SIRPA: variants seen among roughly 807,000 people sequenced by gnomAD.
The protein encoded by SIRPA is signal regulatory protein alpha.
Under a neutral mutation model 50.3 loss-of-function variants are expected in SIRPA, and 9 were observed. The observed-to-expected ratio is 0.18, with a 90% CI of 0.11 to 0.31. The LOEUF (loss-of-function observed/expected upper bound fraction) is 0.31. SIRPA is among the 10% of genes least tolerant of loss of function. SIRPA has a pLI of 1.00. For synonymous variants in SIRPA, 265 were observed against 284.1 expected (o/e 0.93, Z 0.68); for missense variants, 474 against 661.6 (o/e 0.72, Z 3.11).
chr20:1,895,146 G>A (rs1983697693), upstream of SIRPA: 3 of 273,112 alleles, frequency 1.1e-5, no homozygotes, highest in Non-Finnish European at 2.0e-5. Flanking sequence ...TCTCTGCCTG[G>A]CTCCCTTGGG....
chr20:1,897,243 G>A (rs549562956), intron 1 of SIRPA, among the ~76,000 whole-genome samples: 6 of 152,342 alleles, frequency 3.9e-5, no homozygotes, highest in Admixed American at 2.6e-4. Context: ...TAAAACTTCC[G>A]TTCCAATCCA....
At chr20:1,895,600 C>A (rs1003000885) in intron 1 of SIRPA, 74 bp downstream of exon 1, 14 of 1,169,636 alleles carry the variant, frequency 1.2e-5, no homozygotes, top group South Asian at 2.1e-5. Context: ...GGCACTGGGA[C>A]CCCTTCGGCT....
chr20:1,930,164 A>G (rs898432720), intron 6 of SIRPA, among the ~76,000 whole-genome samples: 1 of 151,812 alleles, frequency 6.6e-6, no homozygotes, highest in Non-Finnish European at 1.5e-5. Flanking sequence ...CTAGAGTGGG[A>G]CCCCTCCTGT....
chr20:1,910,300 G>T lies in SIRPA; in HGVS notation c.80-4799G>T, dbSNP rs547949751. ...ACATATGGTGACCACCCACTGTGCT[G>T]ACTGCTCCCCTTAGGAAACGTGTTC... is the stretch of plus-strand genomic sequence containing the variant. On this transcript the variant is annotated intron_variant, in intron 1 of 7. Transcript: ENST00000358771. Among the ~76,000 whole-genome samples, 5 of 152,208 alleles carry T rather than the reference G, an allele frequency of 3.3e-5. No homozygotes were observed. The East Asian group carries it at 9.7e-4, about 29-fold the overall frequency.
rs1357802795 is a variant in SIRPA at position 1,934,143 on chromosome 20, A to T, written c.1227-572A>T. ...ATTTTAATGTAAGCAATTTTAACTT[A>T]AAAAAAAAACCTCCTCATAAACCTT... is the stretch of plus-strand genomic sequence containing the variant. On this transcript the variant is annotated intron_variant, in intron 6 of 7. Transcript: ENST00000358771. This position sits in a 1 kb window ranked among gnomAD's most constrained non-coding sequence, Gnocchi z 4.6. Among the ~76,000 whole-genome samples the T allele has an allele frequency of 2.0e-5, 3 of 148,932 alleles. No individual in the cohort carries two copies. In the East Asian group the frequency reaches 5.9e-4, roughly 29 times the overall value.
At chr20:1,919,303 G>A (rs777889226) in intron 2 of SIRPA, among the ~76,000 whole-genome samples, 10 of 152,248 alleles carry the variant, frequency 6.6e-5, no homozygotes, top group Non-Finnish European at 1.3e-4. Flanking sequence ...AATTAATCCA[G>A]AAGATTCTAA....
intron 1 of SIRPA, among the ~76,000 whole-genome samples, chr20:1,900,078 AT>A (rs1174381121): frequency 7.0e-6 from 1 of 143,770 alleles, no homozygotes; most frequent in African/African-American, 2.6e-5. Context: ...TCAGCTTGAT[AT>A]TTTCCTTGTA....
rs529983332 is a variant in SIRPA, at chr20:1,934,220, G to T, written c.1227-495G>T. 1.3e-5 allele frequency among the ~76,000 whole-genome samples: 2 copies of T among 152,014 alleles called. No individual in the cohort carries two copies. The highest frequency in any genetic ancestry group is 4.2e-4 in the South Asian group (2 of 4,816). On this transcript the variant is annotated intron_variant, in intron 6 of 7. Transcript: ENST00000358771. This position sits in a 1 kb window ranked among gnomAD's most constrained non-coding sequence, Gnocchi z 4.6. ...TAATTTCCCTAACCAGTCCCAATTG[G>T]CAGAGCCCTAAGACATAAACCTCCT...
chr20:1,912,234 T>A (rs958531432), intron 1 of SIRPA, among the ~76,000 whole-genome samples: 5 of 152,212 alleles, frequency 3.3e-5, no homozygotes, highest in Non-Finnish European at 5.9e-5. Flanking sequence ...TCCAACATGC[T>A]GCACGCCTGA....
chr20:1,922,762 T>C (rs377018359), intron 4 of SIRPA, 117 bp downstream of exon 4: 2 of 1,244,936 alleles, frequency 1.6e-6, no homozygotes, highest in African/African-American at 3.0e-5. Context: ...TCTATAAATA[T>C]AAAGTAGAAT....
At chr20:1,894,978 CG>C (rs1334117416), upstream of SIRPA, among the ~76,000 whole-genome samples, 2 of 146,996 alleles carry the variant, frequency 1.4e-5, no homozygotes, top group African/African-American at 2.5e-5. The surrounding 1 kb of genome is among the most constrained non-coding windows in gnomAD (Gnocchi z 4.0). Flanking sequence ...TGGGCAGCGG[CG>C]GGGGCGGCTC....
At chr20:1,895,001 G>A (rs1188173565), upstream of SIRPA, among the ~76,000 whole-genome samples, 1 of 147,880 alleles carries the variant, frequency 6.8e-6, no homozygotes, top group East Asian at 2.0e-4. Context: ...GCGCGGCCGG[G>A]CTCGGCCGTG....
Position 1,895,798 on chromosome 20 carries a change from G to T in SIRPA, c.79+272G>T, listed in dbSNP as rs181584999. Among the ~76,000 whole-genome samples, 212 of 152,358 alleles carry T rather than the reference G, an allele frequency of 1.4e-3. 2 individuals carry two copies. Among genetic ancestry groups the T allele is most frequent in the Admixed American group, 0.012 (187 of 15,314 alleles). On this transcript the variant is annotated intron_variant, in intron 1 of 7. Transcript: ENST00000358771. ...CTGTGCTGGGCACTGAGACAAAAGA[G>T]CCGAGTTGCTTCACTCAGCCCCTGC... is the stretch of plus-strand genomic sequence containing the variant.
intron 7 of SIRPA, among the ~76,000 whole-genome samples, chr20:1,935,416 C>G (rs553018216): frequency 1.3e-5 from 2 of 152,352 alleles, no homozygotes; most frequent in South Asian, 4.1e-4. Context: ...GGAACGAGAG[C>G]GCGCCAGCTG....
chr20:1,927,911 A>G lies in SIRPA; in HGVS notation c.1226+12A>G. On this transcript the variant is annotated intron_variant, in intron 6 of 7. Transcript: ENST00000358771. The surrounding 1 kb of genome is among the most constrained non-coding windows in gnomAD (Gnocchi z 6.5). ...ACTTCTTCTACAAGGTAAGTGCATCATTGGTCCAGACCCTCTTGCAGTTAT... is the reference window on the plus strand; with the variant it reads ...ACTTCTTCTACAAGGTAAGTGCATCGTTGGTCCAGACCCTCTTGCAGTTAT... The G allele has an allele frequency of 6.2e-7, 1 of 1,612,032 alleles. No individual in the cohort carries two copies. Among genetic ancestry groups the G allele is most frequent in the South Asian group, 1.1e-5 (1 of 91,044 alleles).
Position 1,934,700 on chromosome 20 carries a change from C to T in SIRPA, c.1227-15C>T, listed in dbSNP as rs376996628. On this transcript the variant is annotated splice_polypyrimidine_tract_variant and intron_variant, in intron 6 of 7. Transcript: ENST00000358771. This position sits in a 1 kb window ranked among gnomAD's most constrained non-coding sequence, Gnocchi z 4.6. ...AGTGAGGGTATTTTTATCTGTGTGTCTCTTTCCTTTTTAGGTTGCATGAGC... is the reference window on the plus strand; with the variant it reads ...AGTGAGGGTATTTTTATCTGTGTGTTTCTTTCCTTTTTAGGTTGCATGAGC... 2 of 1,613,798 alleles carry T rather than the reference C, an allele frequency of 1.2e-6. No individual in the cohort carries two copies. The highest frequency in any genetic ancestry group is 2.7e-5 in the African/African-American group (2 of 75,004).
At chr20:1,906,019 C>T (rs554250750) in intron 1 of SIRPA, among the ~76,000 whole-genome samples, 1 of 152,250 alleles carries the variant, frequency 6.6e-6, no homozygotes, top group Non-Finnish European at 1.5e-5. Flanking sequence ...ACGTGGTCAT[C>T]TGTCGCCCCC....
At position 1,927,381 on chromosome 20, in the gene SIRPA, A is replaced by G. The variant is rs1366091922; in HGVS notation, c.1202-494A>G. ...TGTAAATAAATGGATGCTCAGCCCA[A>G]CCCTGCAAGTTATAGAAGCTGAGAG... On this transcript the variant is annotated intron_variant, in intron 5 of 7. Coordinates refer to ENST00000358771, the MANE Select transcript of SIRPA (RefSeq NM_001040023.2). This position sits in a 1 kb window ranked among gnomAD's most constrained non-coding sequence, Gnocchi z 6.5. Among the ~76,000 whole-genome samples the G allele has an allele frequency of 6.6e-6, 1 of 152,144 alleles. No homozygotes were observed. The highest frequency in any genetic ancestry group is 1.9e-4 in the East Asian group (1 of 5,192).
chr20:1,928,511 G>A lies in SIRPA; in HGVS notation c.1226+612G>A, dbSNP rs1240071910. Among the ~76,000 whole-genome samples, 1 of 152,186 alleles carries A rather than the reference G, an allele frequency of 6.6e-6. No homozygotes were observed. The highest frequency in any genetic ancestry group is 1.9e-4 in the East Asian group (1 of 5,192). Reference sequence around the variant, plus strand: ...GTGATATAGCAGTAAACAAGAATCAGCCCAGGCTTTCATGGGGCTCAGACG... The same window carrying A: ...GTGATATAGCAGTAAACAAGAATCAACCCAGGCTTTCATGGGGCTCAGACG... On this transcript the variant is annotated intron_variant, in intron 6 of 7. Coordinates refer to ENST00000358771, the MANE Select transcript of SIRPA (RefSeq NM_001040023.2). The surrounding 1 kb of genome is among the most constrained non-coding windows in gnomAD (Gnocchi z 4.9).
Sources: gnomAD v4.1 joint callset for allele counts (sites outside exome capture counted in the v4.1 genomes callset) on GRCh38, gnomAD v4.1.1 for gene constraint, Gnocchi (gnomAD v3.1) non-coding constraint, MANE v1.5 for transcripts, NCBI Gene and HGNC (gene_info 2026-07-23, HGNC 2026-07-21) for gene names.